The following ABLIM1 variants were observed in gnomAD, a reference collection of about 807,000 sequenced individuals.
The protein encoded by ABLIM1 is actin-binding LIM protein 1.
Under a neutral mutation model 107.0 loss-of-function variants are expected in ABLIM1, and 40 were observed. The observed-to-expected ratio is 0.37, with a 90% CI of 0.29 to 0.49. ABLIM1 has a LOEUF of 0.49. ABLIM1 is among the 20% of genes least tolerant of loss of function. The probability of loss-of-function intolerance (pLI) is 0.97; values close to 1 mark genes in which losing one functional copy is unlikely to be tolerated. For synonymous variants in ABLIM1, 357 were observed against 357.3 expected (o/e 1.00, Z 0.01); for missense variants, 857 against 1,008.5 (o/e 0.85, Z 2.04).
intron 1 of ABLIM1, among the ~76,000 whole-genome samples, chr10:114,617,470 A>C (rs973837197): frequency 5.9e-5 from 9 of 151,358 alleles, no homozygotes; most frequent in African/African-American, 2.2e-4. Flanking sequence ...GTTTCGCCAC[A>C]TTGGCCAGGC....
At position 114,637,773 on chromosome 10, in the gene ABLIM1, T is replaced by C. The variant is rs970367397; in HGVS notation, c.244+20184A>G. On this transcript the variant is annotated intron_variant, in intron 1 of 22. Transcript: ENST00000533213. ...TAGAATTCTAAGGATCTTGGGATAG[T>C]AAAGAGTTTCAGAGATTTTAGCCTA... is the stretch of plus-strand genomic sequence containing the variant. Among the ~76,000 whole-genome samples, 9 of 152,340 alleles carry C rather than the reference T, an allele frequency of 5.9e-5. 1 individual carries two copies. Among genetic ancestry groups the C allele is most frequent in the Admixed American group, 4.6e-4 (7 of 15,302 alleles).
intron 8 of ABLIM1, among the ~76,000 whole-genome samples, chr10:114,480,226 A>G (rs1179203922): frequency 6.6e-6 from 1 of 152,216 alleles, no homozygotes; most frequent in Non-Finnish European, 1.5e-5. Flanking sequence ...CAGGGTAACA[A>G]CAGTGACCCA....
intron 1 of ABLIM1, among the ~76,000 whole-genome samples, chr10:114,664,386 C>T (rs1161283424): frequency 6.6e-6 from 1 of 152,148 alleles, no homozygotes; most frequent in Non-Finnish European, 1.5e-5. Context: ...CGTGGGTGTG[C>T]CTAACTACAG....
rs1240827322 is a variant in ABLIM1, at chr10:114,619,668, A to G, written c.245-17707T>C. 6.6e-6 allele frequency among the ~76,000 whole-genome samples: 1 copy of G among 152,232 alleles called. No homozygotes were observed. The highest frequency in any genetic ancestry group is 2.4e-5 in the African/African-American group (1 of 41,450). On this transcript the variant is annotated intron_variant, in intron 1 of 22. Transcript: ENST00000533213. This position sits in a 1 kb window ranked among gnomAD's most constrained non-coding sequence, Gnocchi z 4.1. Reference sequence around the variant, plus strand: ...CCCTCCCTGGCTGTGATACAAAAGCAAGGAAACAAGGTAAGCGTGGTGAAC... The same window carrying G: ...CCCTCCCTGGCTGTGATACAAAAGCGAGGAAACAAGGTAAGCGTGGTGAAC...
chr10:114,441,588 C>T, intron 18 of ABLIM1, 134 bp downstream of exon 18: 1 of 735,320 alleles, frequency 1.4e-6, no homozygotes, highest in South Asian at 2.3e-5. Context: ...ACTAGGCAAC[C>T]AGGGAGGTTA....
chr10:114,494,682 A>AAT (rs1353158646), intron 6 of ABLIM1, among the ~76,000 whole-genome samples: 1 of 152,240 alleles, frequency 6.6e-6, no homozygotes, highest in Non-Finnish European at 1.5e-5. Flanking sequence ...AGTTCAAGCT[A>AAT]ATATTACCAA....
rs1763654173 is a variant in ABLIM1, at chr10:114,669,614, GCAATAGGTATGAAA to G, written c.64+14662_64+14675del. Reference sequence around the variant, plus strand: ...TGAGCATTTCTTTGTGCACAGCCCTGCAATAGGTATGAAACAGGAGAACAAAGTGCTTTGCTTTT... The same window carrying G: ...TGAGCATTTCTTTGTGCACAGCCCTGCAGGAGAACAAAGTGCTTTGCTTTT... On this transcript the variant is annotated intron_variant, in intron 1 of 23. Coordinates refer to the ABLIM1 transcript ENST00000369256. 2.6e-5 allele frequency among the ~76,000 whole-genome samples: 4 copies of G among 152,190 alleles called. No homozygotes were observed. In the South Asian group the frequency reaches 8.3e-4, roughly 32 times the overall value.
At chr10:114,573,910 G>T (rs1245503798) in intron 3 of ABLIM1, among the ~76,000 whole-genome samples, 1 of 152,030 alleles carries the variant, frequency 6.6e-6, no homozygotes, top group Non-Finnish European at 1.5e-5. Context: ...GGAAAAATCA[G>T]GGCAGAACTT....
At chr10:114,691,115 G>A (rs137942953) in intron 1 of ABLIM1, among the ~76,000 whole-genome samples, 1 of 152,058 alleles carries the variant, frequency 6.6e-6, no homozygotes, top group South Asian at 2.1e-4. Context: ...AGAAAACTAA[G>A]CCTAAAGACA....
chr10:114,726,673 T>A (rs998330001), intron 1 of ABLIM1, among the ~76,000 whole-genome samples: 6 of 151,966 alleles, frequency 3.9e-5, no homozygotes, highest in Non-Finnish European at 7.4e-5. Flanking sequence ...TTCCAGCTAT[T>A]CGGGAGGCTG....
chr10:114,439,101 T>C (rs2059831751), intron 21 of ABLIM1, 75 bp downstream of exon 21: 4 of 1,553,282 alleles, frequency 2.6e-6, no homozygotes, highest in Middle Eastern at 3.3e-4. Flanking sequence ...TTGAGAATGA[T>C]GAAAAGATAG....
chr10:114,589,750 T>C (rs1482760309), intron 2 of ABLIM1, among the ~76,000 whole-genome samples: 1 of 152,160 alleles, frequency 6.6e-6, no homozygotes, highest in Non-Finnish European at 1.5e-5. Flanking sequence ...AGCTAAATGT[T>C]TTACAAAAGA....
At chr10:114,525,787 T>C (rs2064613578) in intron 6 of ABLIM1, among the ~76,000 whole-genome samples, 1 of 152,252 alleles carries the variant, frequency 6.6e-6, no homozygotes, top group Non-Finnish European at 1.5e-5. Context: ...CAAATGAAGC[T>C]GCTATAGCGA....
chr10:114,684,532 T>A, exon 1 of ABLIM1: 1 of 1,405,302 alleles, frequency 7.1e-7, no homozygotes, highest in Non-Finnish European at 9.3e-7. Flanking sequence ...GCAGGAAGAA[T>A]GAGGAGTTTC....
At chr10:114,628,846 C>A (rs1411949191) in intron 1 of ABLIM1, among the ~76,000 whole-genome samples, 4 of 152,158 alleles carry the variant, frequency 2.6e-5, no homozygotes, top group Non-Finnish European at 1.5e-5. Context: ...AAAACTTGCA[C>A]TATAACACCC....
chr10:114,755,172 G>A (rs1329721043), intron 1 of ABLIM1, among the ~76,000 whole-genome samples: 1 of 152,100 alleles, frequency 6.6e-6, no homozygotes, highest in East Asian at 1.9e-4. Context: ...TCAGATCAGC[G>A]GCAACAGATT....
chr10:114,503,603 T>C (rs562023849), intron 6 of ABLIM1, among the ~76,000 whole-genome samples: 60 of 152,190 alleles, frequency 3.9e-4, no homozygotes, highest in Admixed American at 1.1e-3. Context: ...TCATAGGATA[T>C]GTTTATGTTT....
intron 1 of ABLIM1, among the ~76,000 whole-genome samples, chr10:114,618,465 A>T (rs1432171813): frequency 6.6e-6 from 1 of 152,174 alleles, no homozygotes; most frequent in Non-Finnish European, 1.5e-5. Context: ...GTTTTAACTG[A>T]AAAAAACCCT....
intron 2 of ABLIM1, among the ~76,000 whole-genome samples, chr10:114,596,643 C>T (rs2075443202): frequency 6.6e-6 from 1 of 152,222 alleles, no homozygotes; most frequent in South Asian, 2.1e-4. Context: ...CCTACCTTGT[C>T]ACAGCTAAAC....
Sources: allele counts gnomAD v4.1 joint callset (sites outside exome capture counted in the v4.1 genomes callset), GRCh38; gene constraint gnomAD v4.1.1; non-coding constraint Gnocchi (gnomAD v3.1); transcripts MANE v1.5; gene names NCBI Gene and HGNC (gene_info 2026-07-23, HGNC 2026-07-21).